CFAP299: variants seen among roughly 807,000 people sequenced by gnomAD.
The protein encoded by CFAP299 is cilia- and flagella-associated protein 299.
A neutral mutation model predicts 27.0 loss-of-function variants in CFAP299; 21 were observed. That is an observed-to-expected ratio of 0.78 (90% CI 0.55 to 1.12). The LOEUF is 1.12. CFAP299 is among the 50% of genes most tolerant of loss of function. The pLI is 0.00. For missense variants in CFAP299, 310 were observed against 276.6 expected (o/e 1.12, Z -0.86); for synonymous variants, 104 against 98.1 (o/e 1.06, Z -0.36).
chr4:80,810,371 CACAT>C (rs1483537654), intron 3 of CFAP299, among the ~76,000 whole-genome samples: 1 of 151,766 alleles, frequency 6.6e-6, no homozygotes, highest in African/African-American at 2.4e-5. Context: ...CACACACACA[CACAT>C]ACACACCCCT....
chr4:80,528,429 A>G (rs949761172), intron 2 of CFAP299, among the ~76,000 whole-genome samples: 2 of 152,124 alleles, frequency 1.3e-5, no homozygotes, highest in South Asian at 4.1e-4. Flanking sequence ...ATAATGTGGT[A>G]GGCATCAGGG....
At chr4:80,537,794 A>G (rs1269625984) in intron 2 of CFAP299, among the ~76,000 whole-genome samples, 1 of 152,062 alleles carries the variant, frequency 6.6e-6, no homozygotes, top group Non-Finnish European at 1.5e-5. Flanking sequence ...TATTGTAGAC[A>G]TGGACGTTGC....
intron 3 of CFAP299, among the ~76,000 whole-genome samples, chr4:80,716,393 A>T (rs1722482887): frequency 6.7e-6 from 1 of 150,038 alleles, no homozygotes; most frequent in Non-Finnish European, 1.5e-5. Flanking sequence ...ATATATATAT[A>T]ATATATTCTA....
intron 3 of CFAP299, among the ~76,000 whole-genome samples, chr4:80,675,718 A>G (rs1719401786): frequency 6.6e-6 from 1 of 151,624 alleles, no homozygotes; most frequent in Admixed American, 6.6e-5. Context: ...CCTATCCACT[A>G]TGTTTACCCA....
chr4:80,808,248 T>C (rs2110114822), intron 3 of CFAP299, among the ~76,000 whole-genome samples: 1 of 152,272 alleles, frequency 6.6e-6, no homozygotes, highest in East Asian at 1.9e-4. Flanking sequence ...GACAAAACCA[T>C]GTTTATTCAG....
intron 2 of CFAP299, among the ~76,000 whole-genome samples, chr4:80,528,862 A>C (rs1733319910): frequency 6.6e-6 from 1 of 152,108 alleles, no homozygotes; most frequent in Non-Finnish European, 1.5e-5. Context: ...TTCTACCTTC[A>C]TATTTTATCT....
chr4:80,584,599 T>C (rs1736338851), intron 3 of CFAP299, among the ~76,000 whole-genome samples: 1 of 152,062 alleles, frequency 6.6e-6, no homozygotes, highest in African/African-American at 2.4e-5. Flanking sequence ...TTTTTCTACT[T>C]TCTTCTGACT....
chr4:80,409,434 G>T (rs1055815398), intron 2 of CFAP299, among the ~76,000 whole-genome samples: 2 of 152,076 alleles, frequency 1.3e-5, no homozygotes, highest in Non-Finnish European at 2.9e-5. Context: ...TATTGATAAA[G>T]TTTCCCATAC....
intron 4 of CFAP299, among the ~76,000 whole-genome samples, chr4:80,941,160 C>T (rs1045003261): frequency 1.3e-5 from 2 of 152,238 alleles, no homozygotes; most frequent in Non-Finnish European, 2.9e-5. Context: ...AGTTGTTACA[C>T]TGTACTGTTT....
intron 2 of CFAP299, among the ~76,000 whole-genome samples, chr4:80,378,463 G>A (rs1724535359): frequency 1.3e-5 from 2 of 151,556 alleles, no homozygotes. Flanking sequence ...TGTAATAGAA[G>A]TAGAGAAGGG....
intron 3 of CFAP299, among the ~76,000 whole-genome samples, chr4:80,608,861 ATGTGTGTGTGTG>A (rs33963629): frequency 1.4e-5 from 2 of 146,904 alleles, no homozygotes; most frequent in African/African-American, 5.2e-5. Context: ...TACACGATGC[ATGTGTGTGTGTG>A]TGTGTGTGTG....
At chr4:80,399,754 A>C (rs966289749) in intron 2 of CFAP299, among the ~76,000 whole-genome samples, 3 of 151,902 alleles carry the variant, frequency 2.0e-5, no homozygotes, top group African/African-American at 7.3e-5. Flanking sequence ...ATGAGTTAAT[A>C]GGTGCAGCAC....
chr4:80,575,813 G>A (rs74755980), intron 2 of CFAP299, among the ~76,000 whole-genome samples: 17,318 of 151,898 alleles, frequency 0.11, 1,137 homozygotes, highest in South Asian at 0.23. Flanking sequence ...GAATCCCATA[G>A]GTTTTGGTAT....
chr4:80,588,921 A>C (rs1282125057), intron 3 of CFAP299, among the ~76,000 whole-genome samples: 1 of 152,168 alleles, frequency 6.6e-6, no homozygotes, highest in African/African-American at 2.4e-5. Flanking sequence ...AGGCACGAAG[A>C]GGTTGAACAT....
chr4:80,629,506 C>T (rs148599319), intron 3 of CFAP299, among the ~76,000 whole-genome samples: 209 of 152,150 alleles, frequency 1.4e-3, no homozygotes, highest in African/African-American at 4.7e-3. Context: ...TGAGGGAATA[C>T]ATATGCTAGT....
chr4:80,725,254 C>G (rs894425442), intron 3 of CFAP299, among the ~76,000 whole-genome samples: 2 of 151,290 alleles, frequency 1.3e-5, no homozygotes, highest in African/African-American at 4.9e-5. Context: ...CCACACCTGG[C>G]CTGCTTTCTT....
At chr4:80,799,923 T>G (rs1279881366) in intron 3 of CFAP299, among the ~76,000 whole-genome samples, 1 of 46,258 alleles carries the variant, frequency 2.2e-5, no homozygotes, top group Non-Finnish European at 3.5e-5. Context: ...ATATAATATA[T>G]ATATTTATAT....
chr4:80,324,430 T>C, the CFAP299 span, among the ~76,000 whole-genome samples: 1 of 152,108 alleles, frequency 6.6e-6, no homozygotes, highest in African/African-American at 2.4e-5. Flanking sequence ...TAAAACTACA[T>C]AGTAAAAGAA....
chr4:80,618,568 C>T (rs773636916), intron 3 of CFAP299, among the ~76,000 whole-genome samples: 1 of 151,956 alleles, frequency 6.6e-6, no homozygotes, highest in Non-Finnish European at 1.5e-5. Flanking sequence ...ATGAAGTAAA[C>T]ATCAATGGAT....
Sources: allele counts gnomAD v4.1 joint callset (sites outside exome capture counted in the v4.1 genomes callset), GRCh38; gene constraint gnomAD v4.1.1; transcripts MANE v1.5; gene names NCBI Gene and HGNC (gene_info 2026-07-23, HGNC 2026-07-21).